The following FAF1 variants were observed in gnomAD, a reference collection of about 807,000 sequenced individuals.
FAF1 encodes Fas associated factor 1.
Under a neutral mutation model 92.5 loss-of-function variants are expected in FAF1, and 25 were observed. That is an observed-to-expected ratio of 0.27 (90% CI 0.20 to 0.38). The LOEUF is 0.38. Ranked by LOEUF, FAF1 falls within the 10% of genes least tolerant of loss-of-function variation. The pLI is 1.00. For synonymous variants in FAF1, 234 were observed against 273.2 expected (o/e 0.86, Z 1.42); for missense variants, 636 against 793.3 (o/e 0.80, Z 2.38).
At position 50,706,926 on chromosome 1, in the gene FAF1, G is replaced by A. The variant is rs377342290; in HGVS notation, c.552-1035C>T. On this transcript the variant is annotated intron_variant, in intron 6 of 18. Transcript: ENST00000396153. ...AAGATCAGAATTAGACAGATAGGACGGGCACGGTGGCTCACGCCTGTAATC... is the reference window on the plus strand; with the variant it reads ...AAGATCAGAATTAGACAGATAGGACAGGCACGGTGGCTCACGCCTGTAATC... 1.8e-4 allele frequency among the ~76,000 whole-genome samples: 28 copies of A among 152,254 alleles called. No homozygotes were observed. The South Asian group carries it at 2.9e-3, about 16-fold the overall frequency.
intron 4 of FAF1, among the ~76,000 whole-genome samples, chr1:50,772,321 G>A (rs1256309802): frequency 5.9e-5 from 9 of 152,080 alleles, no homozygotes; most frequent in East Asian, 1.9e-4. Context: ...AAGAATTACC[G>A]TCCTACCCCA....
At position 50,952,538 on chromosome 1, in the gene FAF1, G is replaced by A. The variant is rs566889984; in HGVS notation, c.45+7229C>T. 2.3e-4 allele frequency among the ~76,000 whole-genome samples: 35 copies of A among 152,352 alleles called. No homozygotes were observed. In the South Asian group the frequency reaches 6.6e-3, roughly 29 times the overall value. On this transcript the variant is annotated intron_variant, in intron 1 of 18. Transcript: ENST00000396153. The stretch of plus-strand genomic sequence containing the variant: ...CTCTGCCTGGCCGCCACTCCATCTG[G>A]GAAGTGAGGAGCGTCTCTGCCTGGC...
intron 7 of FAF1, among the ~76,000 whole-genome samples, chr1:50,670,965 A>G (rs1180876093): frequency 6.6e-6 from 1 of 152,184 alleles, no homozygotes; most frequent in African/African-American, 2.4e-5. Flanking sequence ...ATAAGTATCA[A>G]TAGAAACCAT....
intron 6 of FAF1, among the ~76,000 whole-genome samples, chr1:50,713,035 G>A (rs983168184): frequency 8.6e-5 from 13 of 151,198 alleles, no homozygotes; most frequent in South Asian, 6.3e-4. Context: ...GGTGGCACGC[G>A]CCTGTAGTCC....
intron 7 of FAF1, among the ~76,000 whole-genome samples, chr1:50,696,959 T>A (rs1480712602): frequency 6.6e-6 from 1 of 152,242 alleles, no homozygotes; most frequent in African/African-American, 2.4e-5. Context: ...ATTACCACAA[T>A]TCATTAGCAA....
chr1:50,846,758 G>T, intron 2 of FAF1: 1 of 696,956 alleles, frequency 1.4e-6, no homozygotes, highest in South Asian at 1.4e-5. Flanking sequence ...AACACCCTCT[G>T]ACCCAGGAAC....
At chr1:50,591,376 A>G (rs1651497411) in intron 9 of FAF1, among the ~76,000 whole-genome samples, 1 of 152,166 alleles carries the variant, frequency 6.6e-6, no homozygotes, top group African/African-American at 2.4e-5. Flanking sequence ...CCCCACTTAA[A>G]AGTCTTTTAC....
chr1:50,746,456 AC>A (rs1334873047), intron 4 of FAF1, among the ~76,000 whole-genome samples: 1 of 150,614 alleles, frequency 6.6e-6, no homozygotes, highest in African/African-American at 2.4e-5. Flanking sequence ...GGCATGCACC[AC>A]CACACCTGGC....
At chr1:50,740,248 C>T (rs1340212383) in intron 5 of FAF1, among the ~76,000 whole-genome samples, 1 of 152,022 alleles carries the variant, frequency 6.6e-6, no homozygotes, top group Admixed American at 6.6e-5. Flanking sequence ...TGGGGTTGAG[C>T]TTAGCAATTT....
At chr1:50,461,788 G>A (rs894652583) in intron 18 of FAF1, among the ~76,000 whole-genome samples, 1 of 151,368 alleles carries the variant, frequency 6.6e-6, no homozygotes, top group Non-Finnish European at 1.5e-5. Flanking sequence ...AGGCATGTAA[G>A]GCACATTGTT....
intron 4 of FAF1, among the ~76,000 whole-genome samples, chr1:50,763,310 T>A (rs1402561912): frequency 6.6e-6 from 1 of 151,860 alleles, no homozygotes; most frequent in East Asian, 1.9e-4. Context: ...ATAAAATGTA[T>A]CTTTGTTTCT....
At chr1:50,555,289 ACACACC>A (rs1049960181) in intron 13 of FAF1, among the ~76,000 whole-genome samples, 5 of 146,424 alleles carry the variant, frequency 3.4e-5, no homozygotes, top group Non-Finnish European at 5.9e-5. Context: ...ACACACACAC[ACACACC>A]CCCCAAAATA....
chr1:50,662,835 G>A (rs1176597454), intron 7 of FAF1, among the ~76,000 whole-genome samples: 1 of 151,290 alleles, frequency 6.6e-6, no homozygotes, highest in Non-Finnish European at 1.5e-5. Context: ...CGAGTAGCTG[G>A]GACTGCAGGC....
chr1:50,471,403 T>C (rs1646570314), intron 18 of FAF1, among the ~76,000 whole-genome samples: 1 of 152,174 alleles, frequency 6.6e-6, no homozygotes, highest in Admixed American at 6.5e-5. Context: ...AAACAAAACT[T>C]TACTGAAGGT....
intron 3 of FAF1, among the ~76,000 whole-genome samples, chr1:50,800,220 T>C (rs1661935711): frequency 6.6e-6 from 1 of 152,174 alleles, no homozygotes; most frequent in Admixed American, 6.5e-5. Flanking sequence ...GAGAAGAAGT[T>C]TCTACAGTTC....
intron 15 of FAF1, among the ~76,000 whole-genome samples, chr1:50,505,703 A>G (rs1038228080): frequency 6.6e-6 from 1 of 152,198 alleles, no homozygotes; most frequent in African/African-American, 2.4e-5. Flanking sequence ...TTGTGCTACA[A>G]TGACAGAGTT....
chr1:50,486,430 G>A (rs1369280325), intron 17 of FAF1, among the ~76,000 whole-genome samples: 1 of 151,982 alleles, frequency 6.6e-6, no homozygotes, highest in African/African-American at 2.4e-5. Context: ...CTTCCCTTTG[G>A]TGTCCATCCA....
chr1:50,456,453 G>C (rs1051251768), intron 18 of FAF1, among the ~76,000 whole-genome samples: 7 of 152,144 alleles, frequency 4.6e-5, no homozygotes, highest in Admixed American at 4.6e-4. Flanking sequence ...TAAGGGGAGG[G>C]TGAGAGAGAA....
At chr1:50,952,398 GCTCA>G (rs1248720185) in intron 1 of FAF1, among the ~76,000 whole-genome samples, 3 of 152,206 alleles carry the variant, frequency 2.0e-5, no homozygotes, top group Admixed American at 6.5e-5. Context: ...ACGGAGTCTC[GCTCA>G]CTCAGTGCTC....
Sources: allele counts gnomAD v4.1 joint callset (sites outside exome capture counted in the v4.1 genomes callset), GRCh38; gene constraint gnomAD v4.1.1; transcripts MANE v1.5; gene names NCBI Gene and HGNC (gene_info 2026-07-23, HGNC 2026-07-21).